The following FBXO4 variants were observed in gnomAD, a reference collection of about 807,000 sequenced individuals.
FBXO4 encodes F-box protein 4, also known as F-box only protein 4.
Under a neutral mutation model 43.7 loss-of-function variants are expected in FBXO4, and 36 were observed. The observed-to-expected ratio is 0.82, with a 90% CI of 0.63 to 1.09. The LOEUF (loss-of-function observed/expected upper bound fraction) is 1.09, where lower values mean the gene tolerates loss of function less well. Ranked by LOEUF, FBXO4 falls within the 50% of genes least tolerant of loss-of-function variation. The pLI, the probability that FBXO4 is intolerant of heterozygous loss-of-function variation, is 0.00. For synonymous variants in FBXO4, 180 were observed against 165.6 expected (o/e 1.09, Z -0.67); for missense variants, 435 against 474.1 (o/e 0.92, Z 0.77).
chr5:41,957,445 AATTAT>A, the FBXO4 span, among the ~76,000 whole-genome samples: 1 of 148,010 alleles, frequency 6.8e-6, no homozygotes, highest in African/African-American at 2.5e-5. Flanking sequence ...ATAATTATAT[AATTAT>A]ATTATAATTA....
chr5:41,988,192 G>T, the FBXO4 span, among the ~76,000 whole-genome samples: 1 of 152,120 alleles, frequency 6.6e-6, no homozygotes, highest in African/African-American at 2.4e-5. Context: ...TCTGGATTGT[G>T]AACTTCACAT....
At chr5:41,996,314 A>G in the FBXO4 span, among the ~76,000 whole-genome samples, 58 of 152,200 alleles carry the variant, frequency 3.8e-4, no homozygotes, top group Non-Finnish European at 7.9e-4. Flanking sequence ...TGGTGACTTG[A>G]TGATCCATAG....
chr5:41,976,030 G>A, the FBXO4 span, among the ~76,000 whole-genome samples: 1 of 152,040 alleles, frequency 6.6e-6, no homozygotes, highest in East Asian at 1.9e-4. Flanking sequence ...GAGGTTCCAT[G>A]CTCTTTGAAA....
intron 5 of FBXO4, among the ~76,000 whole-genome samples, chr5:41,938,592 G>T (rs1186452512): frequency 6.6e-6 from 1 of 151,962 alleles, no homozygotes; most frequent in Non-Finnish European, 1.5e-5. Context: ...TATTTTTTTA[G>T]CTCACAGTTC....
chr5:41,978,143 C>A, the FBXO4 span, among the ~76,000 whole-genome samples: 6 of 152,088 alleles, frequency 3.9e-5, no homozygotes, highest in African/African-American at 1.4e-4. Flanking sequence ...AGAGTGGAAG[C>A]AAGATACAGA....
intron 2 of FBXO4, among the ~76,000 whole-genome samples, chr5:41,928,130 AG>A (rs1336056794): frequency 6.6e-6 from 1 of 152,148 alleles, no homozygotes; most frequent in Non-Finnish European, 1.5e-5. Flanking sequence ...TTTGATTCAA[AG>A]GTGTGTTGTC....
chr5:41,951,968 A>T, the FBXO4 span: 1 of 329,228 alleles, frequency 3.0e-6, no homozygotes, highest in South Asian at 3.3e-5. Context: ...AGGATATGAC[A>T]CTGACATCAG....
rs1198839730 is a variant in FBXO4 at position 41,939,527 on chromosome 5, T to G, written c.985T>G (p.Ser329Ala). ...GSSGRPLLVL[S>A]CISQGDVKRM... ...TTCGGGAAGACCATTGTTGGTTTTA[T>G]CTTGTATTTCTCAAGGGGATGTAAA... Residue 329 changes from serine (S) to alanine (A), a missense_variant, in exon 6 of 7, where the codon TCT becomes GCT. Coordinates refer to ENST00000281623, the MANE Select transcript of FBXO4 (RefSeq NM_012176.3). 2 of 1,613,978 alleles carry G rather than the reference T, an allele frequency of 1.2e-6. No individual in the cohort carries two copies. The highest frequency in any genetic ancestry group is 1.3e-5 in the African/African-American group (1 of 75,034).
At chr5:41,950,839 A>T in the FBXO4 span, among the ~76,000 whole-genome samples, 1 of 152,206 alleles carries the variant, frequency 6.6e-6, no homozygotes, top group Non-Finnish European at 1.5e-5. Flanking sequence ...TAGAATGGAT[A>T]AATAAAATGT....
chr5:41,944,132 C>G (rs1752042985), downstream of FBXO4, among the ~76,000 whole-genome samples: 1 of 152,174 alleles, frequency 6.6e-6, no homozygotes, highest in African/African-American at 2.4e-5. Context: ...TAACCCAATG[C>G]TATTTTGCAC....
At chr5:41,991,454 G>C in the FBXO4 span, among the ~76,000 whole-genome samples, 1 of 152,184 alleles carries the variant, frequency 6.6e-6, no homozygotes, top group Non-Finnish European at 1.5e-5. Flanking sequence ...GCATAAGCCT[G>C]ATTAACTTAC....
chr5:41,939,834 ATTTTTTT>A (rs60238550), intron 6 of FBXO4, among the ~76,000 whole-genome samples: 8 of 79,320 alleles, frequency 1.0e-4, no homozygotes, highest in East Asian at 3.5e-4. Context: ...ACAATTGGGG[ATTTTTTT>A]TTTTTTTTTT....
At chr5:41,962,473 T>C in the FBXO4 span, among the ~76,000 whole-genome samples, 8 of 152,288 alleles carry the variant, frequency 5.3e-5, no homozygotes, top group East Asian at 1.3e-3. Flanking sequence ...TACACTTGCA[T>C]CTCAGAGGAG....
chr5:41,938,828 G>T (rs1388904657), intron 5 of FBXO4, among the ~76,000 whole-genome samples: 1 of 152,172 alleles, frequency 6.6e-6, no homozygotes, highest in Non-Finnish European at 1.5e-5. Context: ...GCTTCTAGAG[G>T]TCACCTATAT....
intron 6 of FBXO4, among the ~76,000 whole-genome samples, chr5:41,940,919 A>G (rs1055930879): frequency 3.3e-5 from 5 of 152,278 alleles, no homozygotes; most frequent in African/African-American, 9.6e-5. Context: ...TTTTCCCCTC[A>G]TACATGGAAG....
At chr5:42,006,224 C>T in the FBXO4 span, among the ~76,000 whole-genome samples, 16 of 152,158 alleles carry the variant, frequency 1.1e-4, no homozygotes, top group Admixed American at 9.2e-4. Context: ...CTGACATTTC[C>T]TCTTAATATC....
At chr5:41,946,881 A>C in the FBXO4 span, among the ~76,000 whole-genome samples, 4 of 152,222 alleles carry the variant, frequency 2.6e-5, no homozygotes, top group African/African-American at 9.6e-5. Context: ...ACAAAAGCAT[A>C]TGGCTTCTTC....
chr5:41,976,641 C>A, the FBXO4 span, among the ~76,000 whole-genome samples: 1 of 152,230 alleles, frequency 6.6e-6, no homozygotes, highest in African/African-American at 2.4e-5. Flanking sequence ...AGGCCTTGGG[C>A]AGCTCTGCTT....
rs757742640 is a variant in FBXO4 at position 41,929,650 on chromosome 5, C to T, written c.426-47C>T. 5 of 1,363,362 alleles carry T rather than the reference C, an allele frequency of 3.7e-6. No individual in the cohort carries two copies. In the East Asian group the frequency reaches 1.2e-4, roughly 31 times the overall value. The allele number at this position is 1,363,362 out of a possible 1,614,324, so 84.5% of individuals were successfully genotyped here. ...AAATTATATATTTTTGAATGAATAA[C>T]TGGCTGTTTTCTGTGTTAATGTTCT... is the stretch of plus-strand genomic sequence containing the variant. On this transcript the variant is annotated intron_variant, in intron 2 of 6. Coordinates refer to ENST00000281623, the MANE Select transcript of FBXO4 (RefSeq NM_012176.3).
Sources: gnomAD v4.1 joint callset for allele counts (sites outside exome capture counted in the v4.1 genomes callset) on GRCh38, gnomAD v4.1.1 for gene constraint, MANE v1.5 for transcripts, NCBI Gene and HGNC (gene_info 2026-07-23, HGNC 2026-07-21) for gene names.